The following ADAMTS19 variants were observed in gnomAD, a reference collection of about 807,000 sequenced individuals.
The protein encoded by ADAMTS19 is ADAM metallopeptidase with thrombospondin type 1 motif 19.
ADAMTS19 carries 93 observed loss-of-function variants against 153.3 expected under a neutral mutation model. The observed-to-expected ratio is 0.61, with a 90% CI of 0.51 to 0.72. The LOEUF (loss-of-function observed/expected upper bound fraction) is 0.72, where lower values mean the gene tolerates loss of function less well. Ranked by LOEUF, ADAMTS19 falls within the 30% of genes least tolerant of loss-of-function variation. The pLI is 0.00. For missense variants in ADAMTS19, 1,482 were observed against 1,552.1 expected, an observed-to-expected ratio of 0.95 and a Z score of 0.76; for synonymous variants, 600 against 556.6, an observed-to-expected ratio of 1.08 and a Z score of -1.10.
chr5:129,539,137 C>T (rs926053128), intron 6 of ADAMTS19, among the ~76,000 whole-genome samples: 7 of 152,034 alleles, frequency 4.6e-5, no homozygotes, highest in East Asian at 1.9e-4. Context: ...CAAATATTCA[C>T]GTTCTAATCT....
intron 3 of ADAMTS19, among the ~76,000 whole-genome samples, chr5:129,517,797 A>T (rs1007557756): frequency 3.9e-5 from 6 of 152,036 alleles, no homozygotes; most frequent in Admixed American, 1.3e-4. Context: ...GTTATTATTG[A>T]TAAGTAAGGA....
intron 10 of ADAMTS19, among the ~76,000 whole-genome samples, chr5:129,637,994 G>T (rs145536590): frequency 6.6e-6 from 1 of 152,116 alleles, no homozygotes; most frequent in African/African-American, 2.4e-5. Context: ...AGGGAAAGGA[G>T]CAGAAAAGGT....
At chr5:129,488,035 G>C (rs1750654052) in intron 2 of ADAMTS19, among the ~76,000 whole-genome samples, 1 of 151,976 alleles carries the variant, frequency 6.6e-6, no homozygotes, top group African/African-American at 2.4e-5. Context: ...TTGTAACTCT[G>C]TATTGTGTGT....
At chr5:129,714,990 A>G (rs1198527537) in intron 21 of ADAMTS19, among the ~76,000 whole-genome samples, 1 of 152,172 alleles carries the variant, frequency 6.6e-6, no homozygotes, top group African/African-American at 2.4e-5. Flanking sequence ...TTATAGATAA[A>G]TACATGCTGA....
At chr5:129,633,646 T>C (rs534533712) in intron 10 of ADAMTS19, among the ~76,000 whole-genome samples, 1 of 152,312 alleles carries the variant, frequency 6.6e-6, no homozygotes, top group Admixed American at 6.5e-5. Flanking sequence ...CTGACCCCTG[T>C]TGTAGAGACT....
At chr5:129,596,229 T>C (rs1750370076) in intron 7 of ADAMTS19, among the ~76,000 whole-genome samples, 1 of 152,124 alleles carries the variant, frequency 6.6e-6, no homozygotes, top group African/African-American at 2.4e-5. Flanking sequence ...TGTTTGATTA[T>C]ATTTTCCAAG....
intron 2 of ADAMTS19, among the ~76,000 whole-genome samples, chr5:129,478,685 A>G (rs1237011627): frequency 6.6e-6 from 1 of 152,100 alleles, no homozygotes; most frequent in Non-Finnish European, 1.5e-5. Context: ...TTGCCAGACT[A>G]CAGGTGTGTG....
At chr5:129,633,001 T>C (rs1403714775) in intron 10 of ADAMTS19, among the ~76,000 whole-genome samples, 1 of 120,690 alleles carries the variant, frequency 8.3e-6, no homozygotes, top group Non-Finnish European at 1.6e-5. Context: ...CATCCTCTCC[T>C]GAGAATAGTT....
chr5:129,535,258 T>A (rs1752371951), intron 6 of ADAMTS19, among the ~76,000 whole-genome samples: 2 of 152,136 alleles, frequency 1.3e-5, no homozygotes, highest in South Asian at 4.1e-4. Context: ...CAAGCATTCT[T>A]ATACACCAAT....
intron 3 of ADAMTS19, among the ~76,000 whole-genome samples, chr5:129,514,913 T>C (rs1751549155): frequency 6.6e-6 from 1 of 152,158 alleles, no homozygotes. Context: ...AATAGTTTCA[T>C]AGTTTGAGGT....
At chr5:129,704,959 T>C (rs955566899) in intron 21 of ADAMTS19, among the ~76,000 whole-genome samples, 4 of 152,206 alleles carry the variant, frequency 2.6e-5, no homozygotes, top group African/African-American at 9.7e-5. Context: ...ATTTAAAGTT[T>C]ATATGAGTAA....
chr5:129,477,370 T>C (rs1257910548), intron 2 of ADAMTS19, among the ~76,000 whole-genome samples: 1 of 152,192 alleles, frequency 6.6e-6, no homozygotes, highest in Non-Finnish European at 1.5e-5. Flanking sequence ...TAGTTCCTTC[T>C]TTTGTCAGGC....
chr5:129,564,901 T>A (rs73785205), intron 7 of ADAMTS19, among the ~76,000 whole-genome samples: 3 of 152,134 alleles, frequency 2.0e-5, no homozygotes, highest in African/African-American at 7.2e-5. Context: ...TAAAAAGGCC[T>A]GTGAGGTTTA....
chr5:129,633,547 A>G (rs1267362668), intron 10 of ADAMTS19, among the ~76,000 whole-genome samples: 1 of 152,188 alleles, frequency 6.6e-6, no homozygotes, highest in African/African-American at 2.4e-5. Context: ...CCCTCAAGCT[A>G]CAATGGCAGT....
At chr5:129,544,492 C>A (rs1298420095) in intron 6 of ADAMTS19, among the ~76,000 whole-genome samples, 1 of 152,124 alleles carries the variant, frequency 6.6e-6, no homozygotes, top group Non-Finnish European at 1.5e-5. Flanking sequence ...AAGTCCAGTT[C>A]TTTTAATTAT....
intron 10 of ADAMTS19, among the ~76,000 whole-genome samples, chr5:129,628,522 T>C (rs1224417300): frequency 6.6e-6 from 1 of 152,048 alleles, no homozygotes; most frequent in Admixed American, 6.6e-5. Context: ...GATTAGACGG[T>C]TGATATTTTT....
intron 2 of ADAMTS19, among the ~76,000 whole-genome samples, chr5:129,464,633 C>G (rs1289708933): frequency 6.6e-6 from 1 of 152,192 alleles, no homozygotes; most frequent in Non-Finnish European, 1.5e-5. Context: ...GACCATTTCA[C>G]TCTCCAGGTA....
chr5:129,694,539 A>G (rs1455964623), intron 18 of ADAMTS19, among the ~76,000 whole-genome samples, 181 bp from the exon 19 acceptor site: 1 of 152,048 alleles, frequency 6.6e-6, no homozygotes, highest in Non-Finnish European at 1.5e-5. Flanking sequence ...ATATCAAATT[A>G]TCACATATAC....
chr5:129,675,854 C>T (rs747967160), intron 16 of ADAMTS19, among the ~76,000 whole-genome samples: 6 of 152,006 alleles, frequency 3.9e-5, no homozygotes, highest in Non-Finnish European at 8.8e-5. Context: ...CATGGTAATA[C>T]CTCGTCTCTA....
Sources: gnomAD v4.1 joint callset for allele counts (sites outside exome capture counted in the v4.1 genomes callset) on GRCh38, gnomAD v4.1.1 for gene constraint, MANE v1.5 for transcripts, NCBI Gene and HGNC (gene_info 2026-07-23, HGNC 2026-07-21) for gene names.